PLEKHB2: variants seen among roughly 807,000 people sequenced by gnomAD.
PLEKHB2 encodes pleckstrin homology domain-containing family B member 2.
PLEKHB2 carries 31 observed loss-of-function variants against 36.5 expected under a neutral mutation model. The ratio of observed to expected loss-of-function variants is 0.85; its 90% confidence interval spans 0.64 to 1.15. The LOEUF (loss-of-function observed/expected upper bound fraction) is 1.15. Among genes scored for constraint, PLEKHB2 ranks in the 50% most tolerant of loss-of-function variants. The probability of loss-of-function intolerance (pLI) is 0.00; values close to 1 mark genes in which losing one functional copy is unlikely to be tolerated. For missense variants in PLEKHB2, 262 were observed against 295.3 expected, an observed-to-expected ratio of 0.89 and a Z score of 0.83; for synonymous variants, 119 against 112.0, an observed-to-expected ratio of 1.06 and a Z score of -0.39.
intron 1 of PLEKHB2, among the ~76,000 whole-genome samples, chr2:131,107,122 G>C (rs959107996): frequency 1.3e-5 from 2 of 152,076 alleles, no homozygotes; most frequent in African/African-American, 4.8e-5. Flanking sequence ...CCTTTCCTCT[G>C]CCTGCCTTCT....
chr2:131,126,784 C>T lies in PLEKHB2; in HGVS notation c.291C>T (p.Cys97=). The T allele has an allele frequency of 6.4e-7, 1 of 1,554,532 alleles. No homozygotes were observed. Among genetic ancestry groups the T allele is most frequent in the East Asian group, 2.2e-5 (1 of 44,600 alleles). The change falls in exon 4 of 8, where the codon TGC becomes TGT. Residue 97 remains cysteine (C), a splice_region_variant and synonymous_variant. Coordinates refer to ENST00000693505, the MANE Select transcript of PLEKHB2 (RefSeq NM_001100623.2). ...TTTGTGCAGAAAGCACAGATGATTG[C>T]TTGTAAGTTTTGCTTTCTTATGTGT... The part of the protein sequence containing the change: ...ISLCAESTDD[C]LAWKFTLQDS...
chr2:131,146,856 A>G lies in PLEKHB2; in HGVS notation c.*83A>G. 6 of 1,201,284 alleles carry G rather than the reference A, an allele frequency of 5.0e-6. No homozygotes were observed. The highest frequency in any genetic ancestry group is 1.6e-5 in the South Asian group (1 of 60,896). The allele number at this position is 1,201,284 out of a possible 1,614,324, so 74.4% of individuals were successfully genotyped here. ...TTGCAGGGCATTTCTGTTTGTGACA[A>G]AAGTTTTTAATAATAGTTTTAATCA... is the stretch of plus-strand genomic sequence containing the variant. On this transcript the variant is annotated 3_prime_UTR_variant, in exon 8 of 8. Transcript: ENST00000693505.
intron 2 of PLEKHB2, among the ~76,000 whole-genome samples, chr2:131,122,651 G>A (rs745339015): frequency 3.8e-4 from 58 of 152,284 alleles, no homozygotes; most frequent in African/African-American, 1.4e-3. Flanking sequence ...TACATTCAAA[G>A]TCAGGACTGT....
intron 7 of PLEKHB2, 45 bp downstream of exon 7, chr2:131,140,320 G>T: frequency 1.0e-6 from 1 of 995,110 alleles, no homozygotes; most frequent in South Asian, 1.3e-5. Flanking sequence ...TCCATTTGCT[G>T]AGTAGACCAG....
At chr2:131,136,925 T>C (rs997908310) in intron 6 of PLEKHB2, among the ~76,000 whole-genome samples, 1 of 151,448 alleles carries the variant, frequency 6.6e-6, no homozygotes, top group Admixed American at 6.6e-5. Context: ...AACATCTTTT[T>C]TCTTTTTTTC....
chr2:131,116,401 A>G (rs1019720218), intron 1 of PLEKHB2, among the ~76,000 whole-genome samples: 4 of 152,200 alleles, frequency 2.6e-5, no homozygotes, highest in African/African-American at 9.7e-5. Flanking sequence ...ATACTCCTTT[A>G]AAGAACTACC....
At chr2:131,114,063 A>G (rs1016332103) in intron 1 of PLEKHB2, among the ~76,000 whole-genome samples, 1 of 151,686 alleles carries the variant, frequency 6.6e-6, no homozygotes, top group Non-Finnish European at 1.5e-5. Flanking sequence ...TAGAACTTTC[A>G]AAATGTTGTG....
intron 6 of PLEKHB2, among the ~76,000 whole-genome samples, chr2:131,135,904 G>A (rs761124717): frequency 1.3e-5 from 2 of 152,000 alleles, no homozygotes; most frequent in South Asian, 2.1e-4. Flanking sequence ...CACCGCGCCC[G>A]GCCAGTGTAT....
intron 6 of PLEKHB2, among the ~76,000 whole-genome samples, chr2:131,139,674 T>C (rs1573624022): frequency 6.6e-6 from 1 of 152,304 alleles, no homozygotes; most frequent in East Asian, 1.9e-4. Flanking sequence ...ACACCATCAG[T>C]CACCTGCCCA....
rs1696203986 is a variant in PLEKHB2 at position 131,119,174 on chromosome 2, T to G, written c.-8-1760T>G. Among the ~76,000 whole-genome samples, 3 of 151,854 alleles carry G rather than the reference T, an allele frequency of 2.0e-5. No individual in the cohort carries two copies. In the South Asian group the frequency reaches 6.2e-4, roughly 32 times the overall value. Reference sequence around the variant, plus strand: ...GGGAGGCTGAGACAGGAAAATTGCTTGAACGTGGAAGGTGGAGGTTGCAGT... The same window carrying G: ...GGGAGGCTGAGACAGGAAAATTGCTGGAACGTGGAAGGTGGAGGTTGCAGT... On this transcript the variant is annotated intron_variant, in intron 1 of 7. Coordinates refer to ENST00000693505, the MANE Select transcript of PLEKHB2 (RefSeq NM_001100623.2).
Position 131,125,813 on chromosome 2 carries a change from T to A in PLEKHB2, c.98T>A (p.Ile33Asn). The A allele has an allele frequency of 6.2e-7, 1 of 1,612,774 alleles. No individual in the cohort carries two copies. Among genetic ancestry groups the A allele is most frequent in the Non-Finnish European group, 8.5e-7 (1 of 1,178,984 alleles). The change falls in exon 3 of 8, where the codon ATC (isoleucine) becomes AAC (asparagine). Residue 33 changes from isoleucine to asparagine, a missense_variant. Coordinates refer to ENST00000693505, the MANE Select transcript of PLEKHB2 (RefSeq NM_001100623.2). ...WFDLWSDGHL[I>N]YYDDQTRQNI... is the part of the protein sequence containing the mutation. The stretch of plus-strand genomic sequence containing the variant: ...GATCTGTGGTCGGATGGTCACCTGA[T>A]CTATTATGATGACCAGACTCGGCAG...
intron 1 of PLEKHB2, among the ~76,000 whole-genome samples, chr2:131,119,623 C>T (rs565698695): frequency 6.6e-6 from 1 of 152,288 alleles, no homozygotes; most frequent in African/African-American, 2.4e-5. Context: ...ATTGCTGGGG[C>T]AAAGTATATG....
chr2:131,144,438 C>A, intron 7 of PLEKHB2: 1 of 1,224,686 alleles, frequency 8.2e-7, no homozygotes, highest in Non-Finnish European at 1.0e-6. Flanking sequence ...CATTGCACTG[C>A]AGTTTCCAGG....
chr2:131,149,629 T>TTGATCC lies in PLEKHB2; in HGVS notation c.*2859_*2864dup. On this transcript the variant is annotated 3_prime_UTR_variant, in exon 8 of 8. Coordinates refer to ENST00000693505, the MANE Select transcript of PLEKHB2 (RefSeq NM_001100623.2). ...GACCCAAGTGTATTTTCCACAAGTT[T>TTGATCC]TGATCCTGTGTAATATTTCTTTTTC... The TTGATCC allele has an allele frequency of 6.6e-6, 1 of 152,350 alleles. No homozygotes were observed. Among genetic ancestry groups the TTGATCC allele is most frequent in the East Asian group, 1.9e-4 (1 of 5,186 alleles). 9.4% of individuals were successfully genotyped at this position (152,350 alleles called of 1,614,324 possible).
In PLEKHB2 at chr2:131,126,870, G is replaced by A. The variant is rs185063596; in HGVS notation, c.293+84G>A. On this transcript the variant is annotated intron_variant, in intron 4 of 7. Coordinates refer to ENST00000693505, the MANE Select transcript of PLEKHB2 (RefSeq NM_001100623.2). The stretch of plus-strand genomic sequence containing the variant: ...TTACCAAAAAATGAAAAGAAAGGGC[G>A]TGGAGTTTTCTTTCAGGCATCAGAA... 308 of 791,686 alleles carry A rather than the reference G, an allele frequency of 3.9e-4. 1 individual carries two copies. The East Asian group carries it at 6.8e-3, about 17-fold the overall frequency. The allele number at this position is 791,686 out of a possible 1,614,324, so 49.0% of individuals were successfully genotyped here.
At chr2:131,132,868 C>T in intron 5 of PLEKHB2, 34 bp from the exon 6 acceptor site, 1 of 1,210,946 alleles carries the variant, frequency 8.3e-7, no homozygotes, top group South Asian at 1.2e-5. Context: ...TGCTGGGAAG[C>T]TGTCCTGTCC....
chr2:131,140,337 C>G, intron 7 of PLEKHB2, 62 bp downstream of exon 7: 1 of 839,616 alleles, frequency 1.2e-6, no homozygotes, highest in South Asian at 1.5e-5. Flanking sequence ...CCAGAGAGAC[C>G]TGTAAACGTT....
At chr2:131,111,842 C>T (rs1048904278) in intron 1 of PLEKHB2, among the ~76,000 whole-genome samples, 2 of 152,148 alleles carry the variant, frequency 1.3e-5, no homozygotes, top group East Asian at 3.9e-4. Context: ...GTCTCTGATT[C>T]TTGAGGTTTT....
chr2:131,107,290 G>A (rs923438013), intron 1 of PLEKHB2, among the ~76,000 whole-genome samples: 1 of 152,224 alleles, frequency 6.6e-6, no homozygotes, highest in African/African-American at 2.4e-5. Context: ...CATGGAAACG[G>A]AAAGTTGGAC....
Sources: allele counts gnomAD v4.1 joint callset (sites outside exome capture counted in the v4.1 genomes callset), GRCh38; gene constraint gnomAD v4.1.1; transcripts MANE v1.5; gene names NCBI Gene and HGNC (gene_info 2026-07-23, HGNC 2026-07-21).